Variants in CCNH observed in about 807,000 individuals in gnomAD.
CCNH encodes cyclin H.
A neutral mutation model predicts 41.9 loss-of-function variants in CCNH; 31 were observed. The observed-to-expected ratio is 0.74, with a 90% confidence interval of 0.56 to 1.00. The LOEUF (loss-of-function observed/expected upper bound fraction) is 1.00. CCNH is among the 50% of genes least tolerant of loss of function. The probability of loss-of-function intolerance (pLI) is 0.00; values close to 1 mark genes in which losing one functional copy is unlikely to be tolerated. For missense variants in CCNH, 362 were observed against 388.4 expected (o/e 0.93, Z 0.57); for synonymous variants, 138 against 136.1 (o/e 1.01, Z -0.10).
chr5:87,378,250 T>C (rs1352495442), upstream of CCNH: 26 of 844,812 alleles, frequency 3.1e-5, no homozygotes, highest in East Asian at 3.4e-4. Flanking sequence ...TAGGATGTCA[T>C]TGTAATTAGT....
At chr5:87,399,311 G>A (rs1763210456) in intron 7 of CCNH, 83 bp downstream of exon 7, 6 of 980,918 alleles carry the variant, frequency 6.1e-6, no homozygotes, top group Admixed American at 3.5e-5. Context: ...CCTCTAATGA[G>A]CAAACACCAA....
chr5:87,402,719 A>G (rs1763507699), intron 5 of CCNH, among the ~76,000 whole-genome samples: 1 of 152,168 alleles, frequency 6.6e-6, no homozygotes, highest in Admixed American at 6.5e-5. Context: ...AAATCTCCTG[A>G]CAACTAATCC....
chr5:87,338,231 C>T, intron 9 of CCNH: 3 of 1,349,440 alleles, frequency 2.2e-6, no homozygotes, highest in South Asian at 1.4e-5. Flanking sequence ...ATTATAAGTG[C>T]TGTTTGTTAG....
downstream of CCNH, chr5:87,394,126 T>TAA: frequency 2.4e-6 from 1 of 410,934 alleles, no homozygotes; most frequent in Non-Finnish European, 3.5e-6. Context: ...AGCTGGCTAC[T>TAA]AAGTTTTGTT....
intron 9 of CCNH, among the ~76,000 whole-genome samples, chr5:87,384,031 C>T (rs1390205292): frequency 6.6e-6 from 1 of 151,824 alleles, no homozygotes; most frequent in African/African-American, 2.4e-5. Context: ...TTTTTTCTAC[C>T]CCTATTTGTG....
At chr5:87,374,413 CAAGGT>C, downstream of CCNH, 5 of 1,029,870 alleles carry the variant, frequency 4.9e-6, no homozygotes, top group Non-Finnish European at 7.0e-6. Context: ...ACCATCAGAA[CAAGGT>C]ACCATATCCA....
chr5:87,346,845 G>T (rs542426877), intron 9 of CCNH: 9 of 690,962 alleles, frequency 1.3e-5, no homozygotes, highest in African/African-American at 3.6e-5. Flanking sequence ...TTATAATTTC[G>T]TGTCCAGTAC....
At chr5:87,374,598 T>G (rs933378735), downstream of CCNH, among the ~76,000 whole-genome samples, 4 of 151,740 alleles carry the variant, frequency 2.6e-5, no homozygotes, top group African/African-American at 9.7e-5. Flanking sequence ...TTTACTAGGG[T>G]TTCCAGTACT....
rs866916694 is a variant in CCNH, at chr5:87,329,618, C to G, written c.*91-10721G>C. Among the ~76,000 whole-genome samples the G allele has an allele frequency of 3.3e-5, 5 of 152,056 alleles. No individual in the cohort carries two copies. The South Asian group carries it at 1.0e-3, about 32-fold the overall frequency. ...GAGATTAAAGAAAAACCTTTTTCAT[C>G]TTGACACTACCTAAGACATAACAGA... On this transcript the variant is annotated intron_variant and NMD_transcript_variant, in intron 9 of 9. Coordinates refer to the CCNH transcript ENST00000645953.
upstream of CCNH, chr5:87,378,482 C>T: frequency 6.2e-7 from 1 of 1,612,388 alleles, no homozygotes; most frequent in Non-Finnish European, 8.5e-7. Flanking sequence ...ACAGTTTGTT[C>T]ATCATGCTTT....
intron 9 of CCNH, chr5:87,331,411 T>A: frequency 6.2e-7 from 1 of 1,613,696 alleles, no homozygotes; most frequent in Non-Finnish European, 8.5e-7. Context: ...CAGGGAAGTC[T>A]GGCAGTTATC....
intron 9 of CCNH, among the ~76,000 whole-genome samples, chr5:87,358,223 T>C (rs551689051): frequency 6.6e-6 from 1 of 152,268 alleles, no homozygotes; most frequent in South Asian, 2.1e-4. Flanking sequence ...GTTAACACTT[T>C]TTGAGGCAAG....
At chr5:87,409,632 G>C (rs1580466423) in intron 2 of CCNH, among the ~76,000 whole-genome samples, 1 of 131,286 alleles carries the variant, frequency 7.6e-6, no homozygotes, top group East Asian at 2.0e-4. Flanking sequence ...AAAAATACGT[G>C]TGTGTGTGTG....
chr5:87,387,713 C>T (rs1267892196), downstream of CCNH, among the ~76,000 whole-genome samples: 2 of 151,988 alleles, frequency 1.3e-5, no homozygotes, highest in Non-Finnish European at 2.9e-5. Context: ...ATCAGGAATG[C>T]CGTTGAGTCA....
rs1016907533 is a variant in CCNH, at chr5:87,409,289, C to T, written c.314+1G>A. On this transcript the variant is annotated splice_donor_variant, in intron 3 of 8. Coordinates refer to ENST00000256897, the MANE Select transcript of CCNH (RefSeq NM_001239.4). LOFTEE classifies it high-confidence loss of function. The stretch of plus-strand genomic sequence containing the variant: ...ACAATATATTAGACAGACATACTCA[C>T]ATTATTATCCTGGGGTGATATTCCA... 4.7e-6 allele frequency: 7 copies of T among 1,496,244 alleles called. No individual in the cohort carries two copies. In the South Asian group the frequency reaches 5.7e-5, roughly 12 times the overall value. The allele number at this position is 1,496,244 out of a possible 1,614,324, so 92.7% of individuals were successfully genotyped here.
At chr5:87,323,903 ATCC>A (rs1264301097) in intron 9 of CCNH, among the ~76,000 whole-genome samples, 1 of 152,116 alleles carries the variant, frequency 6.6e-6, no homozygotes, top group Non-Finnish European at 1.5e-5. Flanking sequence ...ATCCCTGTGT[ATCC>A]TCCTACTTAC....
At chr5:87,412,602 TG>T in intron 1 of CCNH, 75 bp downstream of exon 1, 3 of 1,573,404 alleles carry the variant, frequency 1.9e-6, no homozygotes, top group Non-Finnish European at 1.7e-6. Context: ...GAGATTGTCC[TG>T]GGAGCCAGAA....
intron 9 of CCNH, among the ~76,000 whole-genome samples, chr5:87,361,067 T>C (rs563465417): frequency 6.6e-6 from 1 of 152,296 alleles, no homozygotes; most frequent in Admixed American, 6.5e-5. Context: ...AGATTATTTA[T>C]TTCAGTTATA....
chr5:87,360,183 A>G (rs1025160370), intron 9 of CCNH, among the ~76,000 whole-genome samples: 2 of 149,708 alleles, frequency 1.3e-5, no homozygotes, highest in African/African-American at 2.5e-5. Flanking sequence ...TTGGAGTGGA[A>G]TGGCATGATC....
Sources: gnomAD v4.1 joint callset for allele counts (sites outside exome capture counted in the v4.1 genomes callset) on GRCh38, gnomAD v4.1.1 for gene constraint, MANE v1.5 for transcripts, NCBI Gene and HGNC (gene_info 2026-07-23, HGNC 2026-07-21) for gene names.